ATM: variants seen among roughly 807,000 people sequenced by gnomAD.
ATM encodes the protein serine-protein kinase ATM.
Under a neutral mutation model 387.0 loss-of-function variants are expected in ATM, and 308 were observed. The observed-to-expected ratio is 0.80, with a 90% CI of 0.73 to 0.87. The LOEUF is 0.87. Ranked by LOEUF, ATM falls within the 40% of genes least tolerant of loss-of-function variation. ATM has a pLI of 0.00. For synonymous variants in ATM, 1,156 were observed against 1,187.3 expected (o/e 0.97, Z 0.54); for missense variants, 3,312 against 3,560.9 (o/e 0.93, Z 1.78).
intron 5 of ATM, 37 bp from the exon 6 acceptor site, chr11:108,243,916 A>T: frequency 2.7e-6 from 4 of 1,494,946 alleles, no homozygotes; most frequent in Non-Finnish European, 3.6e-6. Flanking sequence ...TTTGATTTTT[A>T]AAAAATCATG....
intron 42 of ATM, among the ~76,000 whole-genome samples, chr11:108,316,571 A>C (rs761043192): frequency 1.3e-5 from 2 of 151,980 alleles, no homozygotes; most frequent in African/African-American, 4.8e-5. Context: ...TTTGAGCTCT[A>C]TTTTTGTGTT....
At chr11:108,269,451 C>G (rs548158617) in intron 18 of ATM, among the ~76,000 whole-genome samples, 1 of 152,112 alleles carries the variant, frequency 6.6e-6, no homozygotes, top group Non-Finnish European at 1.5e-5. Flanking sequence ...CAAATCCAAG[C>G]CAACATCACA....
intron 13 of ATM, among the ~76,000 whole-genome samples, chr11:108,254,744 C>G (rs672964): frequency 0.49 from 75,163 of 151,980 alleles, 20,124 homozygotes; most frequent in Middle Eastern, 0.72. Flanking sequence ...CCTCCGTCTT[C>G]CAGTTCAAGC....
At chr11:108,344,878 C>T (rs975510171) in intron 57 of ATM, among the ~76,000 whole-genome samples, 1 of 151,988 alleles carries the variant, frequency 6.6e-6, no homozygotes, top group African/African-American at 2.4e-5. Flanking sequence ...GTGGCACATG[C>T]CTGTAATCCC....
chr11:108,293,919 A>ATATATATG (rs1397910875), intron 31 of ATM, among the ~76,000 whole-genome samples: 25 of 117,006 alleles, frequency 2.1e-4, no homozygotes, highest in South Asian at 6.5e-4. Context: ...ATATATATAT[A>ATATATATG]TGTGTGTGTA....
In ATM at chr11:108,321,335, C is replaced by G. The variant is rs1591107130; in HGVS notation, c.6487C>G (p.Leu2163Val). Reference protein sequence around the residue: ...KEVEEMCKRSLESVYSLYPTL... With the variant: ...KEVEEMCKRSVESVYSLYPTL... ...AGTGGAAGAGATGTGTAAGCGCAGC[C>G]TTGAGTCTGTGTATTCGCTCTATCC... is the stretch of plus-strand genomic sequence containing the variant. Residue 2163 changes from leucine (L) to valine (V), a missense_variant, in exon 45 of 63, where the codon CTT (leucine) becomes GTT (valine). Physicochemically the swap from Leu to Val is conservative, Grantham distance 32. This residue lies in a region of ATM where 1,405 missense variants were observed against 1,604.4 expected (regional missense o/e 0.88). Transcript: ENST00000675843. 6.2e-7 allele frequency: 1 copy of G among 1,614,150 alleles called. No homozygotes were observed. The highest frequency in any genetic ancestry group is 8.5e-7 in the Non-Finnish European group (1 of 1,180,020).
chr11:108,349,607 G>A (rs540719349), intron 59 of ATM, among the ~76,000 whole-genome samples: 17 of 152,228 alleles, frequency 1.1e-4, no homozygotes, highest in African/African-American at 4.1e-4. Flanking sequence ...AGGTTGCAGT[G>A]AGCTAAGATC....
At position 108,233,971 on chromosome 11, in the gene ATM, T is replaced by C. The variant is rs11212562; in HGVS notation, c.332-1699T>C. Among the ~76,000 whole-genome samples the C allele has an allele frequency of 6.0e-3, 920 of 152,358 alleles. 6 individuals are homozygous for C. Among genetic ancestry groups the C allele is most frequent in the East Asian group, 0.01 (54 of 5,192 alleles). On this transcript the variant is annotated intron_variant, in intron 4 of 62. Transcript: ENST00000675843. ...AGATAGGATTTTATTATAATATTAA[T>C]TTCTGTAGTTATTCAACACAAATTA...
At chr11:108,320,878 T>C (rs550665126) in intron 44 of ATM, among the ~76,000 whole-genome samples, 2 of 152,080 alleles carry the variant, frequency 1.3e-5, no homozygotes, top group South Asian at 4.1e-4. Flanking sequence ...AACACATATT[T>C]TGTATAAGTA....
At position 108,235,558 on chromosome 11, in the gene ATM, G is replaced by T. The variant is rs1367228386; in HGVS notation, c.332-112G>T. The T allele has an allele frequency of 5.8e-6, 6 of 1,035,070 alleles. No homozygotes were observed. The African/African-American group carries it at 9.8e-5, about 17-fold the overall frequency. 64.1% of individuals were successfully genotyped at this position (1,035,070 alleles called of 1,614,324 possible). A position where few individuals can be genotyped will look rare whatever the true frequency, so the allele number is the denominator to read the frequency against. Reference sequence around the variant, plus strand: ...ATTTGCCAATTTCTTCTCTACAAAAGAAGTTTAGTTAATAGTAATTTCCCA... The same window carrying T: ...ATTTGCCAATTTCTTCTCTACAAAATAAGTTTAGTTAATAGTAATTTCCCA... On this transcript the variant is annotated intron_variant, in intron 4 of 62. Transcript: ENST00000675843.
At position 108,352,648 on chromosome 11, in the gene ATM, G is replaced by A. The variant is rs149383482; in HGVS notation, c.8672-1118G>A. On this transcript the variant is annotated intron_variant, in intron 59 of 62. Transcript: ENST00000675843. ...GCTTTATTCATAATAGCCAAGAACC[G>A]GAAAAATCCAGATGTTCTACAGTGG... is the stretch of plus-strand genomic sequence containing the variant. 2.6e-3 allele frequency among the ~76,000 whole-genome samples: 392 copies of A among 152,264 alleles called. 2 individuals are homozygous for A. The highest frequency in any genetic ancestry group is 8.1e-3 in the African/African-American group (336 of 41,564).
At chr11:108,238,147 G>A (rs1266786020) in intron 5 of ATM, among the ~76,000 whole-genome samples, 5 of 151,946 alleles carry the variant, frequency 3.3e-5, no homozygotes, top group Admixed American at 1.3e-4. Flanking sequence ...GGCTGGTCTC[G>A]AATTCCTGAC....
At chr11:108,235,985 T>C (rs1013972328) in intron 5 of ATM, 151 bp downstream of exon 5, 1 of 775,906 alleles carries the variant, frequency 1.3e-6, no homozygotes, top group Non-Finnish European at 2.1e-6. Context: ...GAACTGACCC[T>C]TAATTTTTAT....
intron 45 of ATM, 75 bp from the exon 46 acceptor site, chr11:108,325,235 C>T (rs1475634974): frequency 3.9e-6 from 4 of 1,024,230 alleles, no homozygotes; most frequent in Non-Finnish European, 5.8e-6. Context: ...ATCGTAAGTT[C>T]CAGAACTTAC....
rs377597949 is a variant in ATM at position 108,250,929 on chromosome 11, G to T, written c.1464G>T (p.Trp488Cys). ...TATTAAAACTCTGGAATAAAATTTG[G>T]TGTATTACCTTTCGTGGTATAAGTT... ...SDLLKLWNKI[W>C]CITFRGISSE... The change falls in exon 10 of 63, where the codon TGG (tryptophan) becomes TGT (cysteine). Residue 488 changes from tryptophan to cysteine, a missense_variant. By Grantham distance (215) the Trp-to-Cys change is radical. This residue lies in a region of ATM where 1,791 missense variants were observed against 1,804.5 expected (regional missense o/e 0.99). Transcript: ENST00000675843. The T allele has an allele frequency of 4.8e-5, 77 of 1,614,032 alleles. No individual in the cohort carries two copies. Among genetic ancestry groups the T allele is most frequent in the Admixed American group, 8.3e-5 (5 of 59,980 alleles).
intron 16 of ATM, among the ~76,000 whole-genome samples, chr11:108,266,946 C>T (rs992095168): frequency 2.0e-5 from 3 of 151,974 alleles, no homozygotes; most frequent in African/African-American, 7.2e-5. Flanking sequence ...CAGGTGCCCA[C>T]CACCACACCC....
intron 61 of ATM, 131 bp from the exon 62 acceptor site, chr11:108,364,951 C>A (rs1217077562): frequency 4.2e-6 from 4 of 956,142 alleles, no homozygotes; most frequent in Non-Finnish European, 4.8e-6. Flanking sequence ...ATGAAGTGTG[C>A]ATGATGTTTG....
chr11:108,293,497 C>T lies in ATM; in HGVS notation c.4776+20C>T, dbSNP rs1565463486. On this transcript the variant is annotated intron_variant, in intron 31 of 62. Transcript: ENST00000675843. ...TTGGAGGTAATAAAAATTTCATCAT[C>T]TACTATTTTTTATTAGAGAACATAG... 6.3e-7 allele frequency: 1 copy of T among 1,584,382 alleles called. No homozygotes were observed. The highest frequency in any genetic ancestry group is 1.7e-5 in the Admixed American group (1 of 59,870).
chr11:108,313,821 A>T (rs576709238), intron 40 of ATM, among the ~76,000 whole-genome samples: 5 of 152,326 alleles, frequency 3.3e-5, no homozygotes, highest in Non-Finnish European at 7.3e-5. Context: ...AGCACCATAT[A>T]GGCAGTTCAA....
Sources: allele counts gnomAD v4.1 joint callset (sites outside exome capture counted in the v4.1 genomes callset), GRCh38; gene constraint gnomAD v4.1.1; regional missense constraint gnomAD v4.1.1; transcripts MANE v1.5; gene names NCBI Gene and HGNC (gene_info 2026-07-23, HGNC 2026-07-21).